The following GABRA3 variants were observed in gnomAD, a reference collection of about 807,000 sequenced individuals.
GABRA3 encodes gamma-aminobutyric acid receptor subunit alpha-3.
GABRA3 carries 10 observed loss-of-function variants against 30.1 expected under a neutral mutation model. That is an observed-to-expected ratio of 0.33 (90% CI 0.20 to 0.56). The LOEUF is 0.56. Among genes scored for constraint, GABRA3 ranks in the 20% least tolerant of loss-of-function variants. GABRA3 has a pLI of 0.89. For missense variants in GABRA3, 233 were observed against 392.0 expected (o/e 0.59, Z 3.42); for synonymous variants, 151 against 146.8 (o/e 1.03, Z -0.21).
chrX:152,392,451 C>T (rs188768665), intron 1 of GABRA3, among the ~76,000 whole-genome samples: 2 of 111,664 alleles, frequency 1.8e-5, no homozygotes, highest in East Asian at 2.8e-4. Flanking sequence ...ATGTAGACAA[C>T]GATGGTGCAT....
intron 1 of GABRA3, among the ~76,000 whole-genome samples, chrX:152,370,219 T>C (rs899371564): frequency 1.8e-5 from 2 of 112,259 alleles, no homozygotes; most frequent in Admixed American, 9.4e-5. Context: ...AATTATTCTA[T>C]TGGAATTCCT....
chrX:152,292,499 T>C (rs1472618104), intron 3 of GABRA3, among the ~76,000 whole-genome samples: 1 of 111,570 alleles, frequency 9.0e-6, no homozygotes, highest in Admixed American at 9.6e-5. Context: ...GAAATCGAGC[T>C]CCTGGATTCA....
At chrX:152,334,975 G>A (rs188329428) in intron 3 of GABRA3, among the ~76,000 whole-genome samples, 4 of 111,381 alleles carry the variant, frequency 3.6e-5, no homozygotes, top group Admixed American at 9.6e-5. Flanking sequence ...AAGGCACGAC[G>A]TCAGCATTTC....
chrX:152,196,044 G>A (rs1046013784), intron 8 of GABRA3, among the ~76,000 whole-genome samples: 1 of 110,013 alleles, frequency 9.1e-6, no homozygotes, highest in Non-Finnish European at 1.9e-5. Flanking sequence ...GGGCCCCTGT[G>A]TATTTCCTTT....
At chrX:152,281,622 G>C (rs77350201) in intron 4 of GABRA3, among the ~76,000 whole-genome samples, 2,592 of 111,589 alleles carry the variant, frequency 0.023, 54 homozygotes, top group East Asian at 0.066. Flanking sequence ...TACTGTCATA[G>C]TTCCTTATAT....
At chrX:152,220,230 A>G (rs1418152486) in intron 6 of GABRA3, among the ~76,000 whole-genome samples, 1 of 111,708 alleles carries the variant, frequency 9.0e-6, no homozygotes, top group African/African-American at 3.2e-5. Context: ...CTGGAAATAC[A>G]ACCAACGGCA....
intron 1 of GABRA3, among the ~76,000 whole-genome samples, chrX:152,390,254 G>A (rs908083201): frequency 1.8e-5 from 2 of 112,027 alleles, no homozygotes; most frequent in African/African-American, 6.5e-5. Flanking sequence ...TATGCTGAGA[G>A]TAAGGACACA....
chrX:152,419,888 A>G (rs954925967), intron 1 of GABRA3, among the ~76,000 whole-genome samples: 2 of 111,749 alleles, frequency 1.8e-5, no homozygotes, highest in African/African-American at 6.5e-5. Flanking sequence ...ATACACACAC[A>G]TGCATACACA....
chrX:152,299,989 G>C (rs1344091569), intron 3 of GABRA3, among the ~76,000 whole-genome samples: 1 of 112,169 alleles, frequency 8.9e-6, no homozygotes, highest in Admixed American at 9.5e-5. Flanking sequence ...CAGAGAGTGT[G>C]GGGGAATACC....
chrX:152,365,016 TTCCC>T (rs1262661440), intron 1 of GABRA3, among the ~76,000 whole-genome samples: 1 of 111,728 alleles, frequency 9.0e-6, no homozygotes, highest in African/African-American at 3.3e-5. Flanking sequence ...TTCATTTTAT[TTCCC>T]TCCAATTCCC....
intron 3 of GABRA3, among the ~76,000 whole-genome samples, chrX:152,329,016 A>T (rs991187119): frequency 5.3e-4 from 60 of 112,185 alleles, no homozygotes; most frequent in African/African-American, 1.9e-3. Flanking sequence ...TGGATACAAA[A>T]TCAATGTGCA....
chrX:152,355,129 G>A, intron 2 of GABRA3, among the ~76,000 whole-genome samples: 1 of 110,918 alleles, frequency 9.0e-6, no homozygotes, highest in Non-Finnish European at 1.9e-5. Context: ...CTCCCCAGCA[G>A]TCTCCTCTTC....
intron 6 of GABRA3, among the ~76,000 whole-genome samples, chrX:152,212,651 C>T (rs1937646237): frequency 9.0e-6 from 1 of 111,700 alleles, no homozygotes; most frequent in Non-Finnish European, 1.9e-5. Context: ...GCATAATATA[C>T]TAGACAGTGG....
chrX:152,219,796 A>G (rs1937796815), intron 6 of GABRA3, among the ~76,000 whole-genome samples: 1 of 111,430 alleles, frequency 9.0e-6, no homozygotes, highest in Non-Finnish European at 1.9e-5. Context: ...TTATATGTAT[A>G]GTATACTACA....
At chrX:152,286,077 T>C (rs1392406999) in intron 3 of GABRA3, among the ~76,000 whole-genome samples, 3 of 93,096 alleles carry the variant, frequency 3.2e-5, no homozygotes, top group Non-Finnish European at 5.9e-5. Flanking sequence ...TATAAGTTAG[T>C]TATAAATATA....
intron 1 of GABRA3, among the ~76,000 whole-genome samples, chrX:152,382,795 T>C (rs1310050955): frequency 1.8e-5 from 2 of 111,730 alleles, no homozygotes; most frequent in Non-Finnish European, 3.8e-5. Flanking sequence ...CCATTGCATG[T>C]TCTTGGCACC....
At chrX:152,441,174 T>A (rs1314075602) in intron 1 of GABRA3, among the ~76,000 whole-genome samples, 4 of 111,320 alleles carry the variant, frequency 3.6e-5, no homozygotes, top group Admixed American at 9.6e-5. Context: ...GGTTACACAA[T>A]CATATACATG....
chrX:152,275,228 T>TTTATATATAATATTATATATAAA (rs1569378316), intron 4 of GABRA3, among the ~76,000 whole-genome samples: 1 of 64,327 alleles, frequency 1.6e-5, no homozygotes, highest in Admixed American at 2.6e-4. Flanking sequence ...ATATATATAA[T>TTTATATATAATATTATATATAAA]TTATATATAT....
chrX:152,170,291 G>A (rs913701621), intron 9 of GABRA3, among the ~76,000 whole-genome samples: 2 of 112,388 alleles, frequency 1.8e-5, no homozygotes, highest in Admixed American at 9.4e-5. Context: ...ATGCGGCAAA[G>A]GCCAGTACAC....
Sources: gnomAD v4.1 joint callset for allele counts (sites outside exome capture counted in the v4.1 genomes callset) on GRCh38, gnomAD v4.1.1 for gene constraint, MANE v1.5 for transcripts, NCBI Gene and HGNC (gene_info 2026-07-23, HGNC 2026-07-21) for gene names.